TRPM5: variants seen among roughly 807,000 people sequenced by gnomAD.
TRPM5 encodes transient receptor potential cation channel subfamily M member 5.
TRPM5 carries 121 observed loss-of-function variants against 124.9 expected under a neutral mutation model. The ratio of observed to expected loss-of-function variants is 0.97; its 90% CI spans 0.84 to 1.13. The LOEUF is 1.13. TRPM5 is among the 50% of genes most tolerant of loss of function. The pLI is 0.00. For missense variants in TRPM5, 1,643 were observed against 1,589.1 expected (o/e 1.03, Z -0.58); for synonymous variants, 781 against 700.5 (o/e 1.11, Z -1.81).
chr11:2,412,562 C>T (rs1850474225), intron 15 of TRPM5, among the ~76,000 whole-genome samples, 192 bp downstream of exon 20: 1 of 152,258 alleles, frequency 6.6e-6, no homozygotes, highest in Non-Finnish European at 1.5e-5. Flanking sequence ...TGGTCATGCT[C>T]AGTCTGGAGC....
chr11:2,405,442 C>T (rs1204550514), intron 23 of TRPM5, 85 bp downstream of exon 28: 4 of 1,384,158 alleles, frequency 2.9e-6, no homozygotes, highest in Non-Finnish European at 4.0e-6. Flanking sequence ...GAAGGCAGAG[C>T]ACACAGCACA....
intron 12 of TRPM5, 52 bp downstream of exon 17, chr11:2,414,009 G>GGGGGGGC: frequency 1.3e-5 from 13 of 1,023,718 alleles, no homozygotes; most frequent in South Asian, 3.1e-5. Context: ...GGCCCAGCTC[G>GGGGGGGC]CCCGCCCACC....
chr11:2,441,014 C>T, the TRPM5 span, among the ~76,000 whole-genome samples: 2 of 152,292 alleles, frequency 1.3e-5, no homozygotes, highest in African/African-American at 2.4e-5. The surrounding 1 kb of genome is among the most constrained non-coding windows in gnomAD (Gnocchi z 7.2). Flanking sequence ...TGAGGGATGT[C>T]GGCAAACAGC....
At chr11:2,438,776 G>A in the TRPM5 span, among the ~76,000 whole-genome samples, 3 of 152,160 alleles carry the variant, frequency 2.0e-5, no homozygotes, top group East Asian at 3.8e-4. This position sits in a 1 kb window ranked among gnomAD's most constrained non-coding sequence, Gnocchi z 5.9. Context: ...CAGATTAAGC[G>A]CTATTCCTAT....
At chr11:2,433,683 C>T in the TRPM5 span, among the ~76,000 whole-genome samples, 8 of 152,244 alleles carry the variant, frequency 5.3e-5, no homozygotes, top group African/African-American at 1.7e-4. Flanking sequence ...TGAGGACCAG[C>T]GGGGCCGGGG....
intron 16 of TRPM5, 38 bp from the exon 22 acceptor site, chr11:2,411,805 A>G (rs749709810): frequency 3.1e-6 from 5 of 1,607,638 alleles, no homozygotes; most frequent in Non-Finnish European, 4.2e-6. Context: ...CGGGGCCCAG[A>G]GAGGGGCAGA....
intron 15 of TRPM5, 140 bp from the exon 21 acceptor site, chr11:2,412,393 C>T: frequency 1.5e-6 from 1 of 651,336 alleles, no homozygotes; most frequent in South Asian, 2.0e-5. Flanking sequence ...ACTAGGGGTC[C>T]ACTGAAGCTA....
intron 11 of TRPM5, among the ~76,000 whole-genome samples, chr11:2,414,436 A>T (rs1271099982): frequency 3.9e-5 from 6 of 152,182 alleles, no homozygotes; most frequent in Non-Finnish European, 7.4e-5. Context: ...AACCTCTGCC[A>T]CGCTAAATGT....
intron 1 of TRPM5, 82 bp from the exon 7 acceptor site, chr11:2,422,403 G>A (rs1360617557): frequency 1.2e-5 from 15 of 1,210,468 alleles, no homozygotes; most frequent in Admixed American, 2.2e-5. Context: ...TGGACACAAG[G>A]GGGCACTGGG....
chr11:2,441,800 C>G, the TRPM5 span, among the ~76,000 whole-genome samples: 1 of 152,174 alleles, frequency 6.6e-6, no homozygotes, highest in Non-Finnish European at 1.5e-5. This position sits in a 1 kb window ranked among gnomAD's most constrained non-coding sequence, Gnocchi z 7.2. Context: ...AGTGATTCTC[C>G]TGCCTCAGCC....
At chr11:2,413,165 C>T in exon 14 of TRPM5, 3 of 1,553,204 alleles carry the variant, frequency 1.9e-6, no homozygotes, top group Non-Finnish European at 2.6e-6. Flanking sequence ...GGGCTCTTCT[C>T]CGTGTCCAGG....
chr11:2,420,925 C>A, intron 3 of TRPM5, 107 bp downstream of exon 8: 1 of 1,279,144 alleles, frequency 7.8e-7, no homozygotes, highest in South Asian at 1.6e-5. Context: ...CCTGCTCTTC[C>A]TCCAGCTCGA....
chr11:2,429,359 ATGG>A, the TRPM5 span, among the ~76,000 whole-genome samples: 27 of 148,906 alleles, frequency 1.8e-4, no homozygotes, highest in Admixed American at 1.3e-3. The surrounding 1 kb of genome is among the most constrained non-coding windows in gnomAD (Gnocchi z 8.4). Context: ...GAGTATGATG[ATGG>A]TGGTGGTGAT....
At chr11:2,405,188 G>T in intron 23 of TRPM5, 145 bp from the exon 29 acceptor site, 2 of 679,586 alleles carry the variant, frequency 2.9e-6, no homozygotes, top group Non-Finnish European at 2.5e-6. Flanking sequence ...AAGATGGGGA[G>T]CCCAGAGACA....
the TRPM5 span, among the ~76,000 whole-genome samples, chr11:2,441,790 A>C: frequency 6.6e-6 from 1 of 152,032 alleles, no homozygotes; most frequent in Middle Eastern, 3.2e-3. The surrounding 1 kb of genome is among the most constrained non-coding windows in gnomAD (Gnocchi z 7.2). Context: ...CCCGGGTCCA[A>C]GTGATTCTCC....
At chr11:2,420,988 C>T in intron 3 of TRPM5, 44 bp downstream of exon 8, 1 of 1,505,554 alleles carries the variant, frequency 6.6e-7, no homozygotes, top group Non-Finnish European at 8.8e-7. Flanking sequence ...GAGCCCCTGC[C>T]TCCAGGCCCC....
Position 2,407,742 on chromosome 11 carries a change from G to C in TRPM5, c.2936+17C>G. On this transcript the variant is annotated intron_variant, in intron 19 of 23. Coordinates refer to ENST00000155858, the Ensembl canonical transcript of TRPM5. ...TCCGCTCCAGGGCTCTCTCCTCCAG[G>C]GGTTGGGTGGAGTCACCTGAACATG... 6.2e-7 allele frequency: 1 copy of C among 1,612,538 alleles called. No homozygotes were observed. The highest frequency in any genetic ancestry group is 8.5e-7 in the Non-Finnish European group (1 of 1,179,438).
chr11:2,434,443 C>T, the TRPM5 span, among the ~76,000 whole-genome samples: 1 of 131,244 alleles, frequency 7.6e-6, no homozygotes, highest in South Asian at 2.5e-4. Context: ...GTGTGTCCGG[C>T]TGTGTGTGTG....
chr11:2,407,990 G>A, intron 18 of TRPM5, 78 bp from the exon 24 acceptor site: 1 of 1,553,744 alleles, frequency 6.4e-7, no homozygotes, highest in Non-Finnish European at 8.7e-7. Flanking sequence ...CCGAGATAGA[G>A]CGCTGAGTCC....
Sources: allele counts gnomAD v4.1 joint callset (sites outside exome capture counted in the v4.1 genomes callset), GRCh38; gene constraint gnomAD v4.1.1; non-coding constraint Gnocchi (gnomAD v3.1); transcripts MANE v1.5; gene names NCBI Gene and HGNC (gene_info 2026-07-23, HGNC 2026-07-21).